Variants in OSBPL5 observed in about 807,000 individuals in gnomAD.
OSBPL5 encodes the protein oxysterol binding protein like 5.
A neutral mutation model predicts 111.2 loss-of-function variants in OSBPL5; 71 were observed. The observed-to-expected ratio is 0.64, with a 90% CI of 0.53 to 0.78. The LOEUF is 0.78. Among genes scored for constraint, OSBPL5 ranks in the 30% least tolerant of loss-of-function variants. The pLI is 0.00. For synonymous variants in OSBPL5, 549 were observed against 513.9 expected, an observed-to-expected ratio of 1.07 and a Z score of -0.93; for missense variants, 1,210 against 1,189.3, an observed-to-expected ratio of 1.02 and a Z score of -0.26.
At chr11:3,132,004 TTCAGGCATCCATC>T (rs1845827496) in intron 1 of OSBPL5, among the ~76,000 whole-genome samples, 2 of 56,856 alleles carry the variant, frequency 3.5e-5, no homozygotes, top group Non-Finnish European at 3.2e-5. Flanking sequence ...CTCCCTCCCT[TTCAGGCATCCATC>T]CATCCATCCA....
At chr11:3,132,151 C>T (rs1441570682) in intron 1 of OSBPL5, among the ~76,000 whole-genome samples, 1 of 151,972 alleles carries the variant, frequency 6.6e-6, no homozygotes, top group Non-Finnish European at 1.5e-5. Context: ...CACACTCAGA[C>T]ACATCTGAGG....
At chr11:3,091,558 G>A (rs1857055486) in intron 19 of OSBPL5, among the ~76,000 whole-genome samples, 1 of 152,124 alleles carries the variant, frequency 6.6e-6, no homozygotes, top group Non-Finnish European at 1.5e-5. Flanking sequence ...GGTGGGGAGA[G>A]GCTGAGGAGC....
chr11:3,100,482 T>G (rs1451797347), intron 13 of OSBPL5, among the ~76,000 whole-genome samples: 1 of 152,242 alleles, frequency 6.6e-6, no homozygotes, highest in Admixed American at 6.5e-5. Context: ...ATTTCACCTT[T>G]GACTTGTTAG....
Position 3,107,040 on chromosome 11 carries a change from C to T in OSBPL5, c.1059+223G>A, listed in dbSNP as rs969093500. Among the ~76,000 whole-genome samples the T allele has an allele frequency of 4.0e-5, 6 of 150,658 alleles. No homozygotes were observed. Among genetic ancestry groups the T allele is most frequent in the African/African-American group, 1.5e-4 (6 of 40,582 alleles). ...AACCCCTGCCCGATCCCCGCATCTGCATGCCAGCCAGCCAGCCAGCCAGCG... is the reference window on the plus strand; with the variant it reads ...AACCCCTGCCCGATCCCCGCATCTGTATGCCAGCCAGCCAGCCAGCCAGCG... On this transcript the variant is annotated intron_variant, in intron 9 of 21. Transcript: ENST00000263650. This position sits in a 1 kb window ranked among gnomAD's most constrained non-coding sequence, Gnocchi z 6.1.
intron 1 of OSBPL5, among the ~76,000 whole-genome samples, chr11:3,148,646 G>C (rs1180777243): frequency 1.3e-5 from 2 of 152,216 alleles, no homozygotes; most frequent in Non-Finnish European, 2.9e-5. Flanking sequence ...AGCCAAACGG[G>C]AGAGGACACA....
Position 3,103,718 on chromosome 11 carries a change from G to GCAGCCCCTTCCTGC in OSBPL5, c.1245-399_1245-398insGCAGGAAGGGGCTG, listed in dbSNP as rs1564829568. ...TTCCAGCCTGCGTACCCCCTTCCAG[G>GCAGCCCCTTCCTGC]CTCTGCTGCCCCTTCCTGCCTCTGC... is the stretch of plus-strand genomic sequence containing the variant. On this transcript the variant is annotated intron_variant, in intron 10 of 21. Coordinates refer to ENST00000263650, the MANE Select transcript of OSBPL5 (RefSeq NM_020896.4). Among the ~76,000 whole-genome samples, 6 of 79,988 alleles carry GCAGCCCCTTCCTGC rather than the reference G, an allele frequency of 7.5e-5. 1 individual carries two copies. The highest frequency in any genetic ancestry group is 1.3e-4 in the Admixed American group (1 of 7,624). 52.5% of individuals were successfully genotyped at this position (79,988 alleles called of 152,430 possible).
At chr11:3,156,575 G>A (rs76134750) in intron 1 of OSBPL5, among the ~76,000 whole-genome samples, 2,438 of 152,256 alleles carry the variant, frequency 0.016, 23 homozygotes, top group Non-Finnish European at 0.021. Context: ...CTCCCTACAC[G>A]CAACTTGTAG....
chr11:3,157,946 C>T (rs569492192), intron 1 of OSBPL5, among the ~76,000 whole-genome samples: 1 of 152,352 alleles, frequency 6.6e-6, no homozygotes, highest in African/African-American at 2.4e-5. Context: ...CCCTTGGGTG[C>T]CAGTCACCAA....
chr11:3,109,657 T>A lies in OSBPL5; in HGVS notation c.692-1712A>T, dbSNP rs189119503. Reference sequence around the variant, plus strand: ...GGGGGATATCTGGGATCCTGCTGGTTCCACTGCAGGCTTGGTTGGTGCCAG... The same window carrying A: ...GGGGGATATCTGGGATCCTGCTGGTACCACTGCAGGCTTGGTTGGTGCCAG... On this transcript the variant is annotated intron_variant, in intron 7 of 21. Coordinates refer to ENST00000263650, the MANE Select transcript of OSBPL5 (RefSeq NM_020896.4). The surrounding 1 kb of genome is among the most constrained non-coding windows in gnomAD (Gnocchi z 7.4). Among the ~76,000 whole-genome samples, 12 of 152,090 alleles carry A rather than the reference T, an allele frequency of 7.9e-5. No homozygotes were observed. In the East Asian group the frequency reaches 2.3e-3, roughly 30 times the overall value.
chr11:3,113,574 G>C lies in OSBPL5; in HGVS notation c.692-5629C>G, dbSNP rs540428526. Among the ~76,000 whole-genome samples, 13 of 151,972 alleles carry C rather than the reference G, an allele frequency of 8.6e-5. No homozygotes were observed. The South Asian group carries it at 2.3e-3, about 27-fold the overall frequency. On this transcript the variant is annotated intron_variant, in intron 7 of 21. Coordinates refer to ENST00000263650, the MANE Select transcript of OSBPL5 (RefSeq NM_020896.4). The surrounding 1 kb of genome is among the most constrained non-coding windows in gnomAD (Gnocchi z 4.8). ...TGAGGCTGAGGCAGGAGAATTGCTT[G>C]ACCTGGGAGGCAGAGGTAACAGTGA...
intron 7 of OSBPL5, among the ~76,000 whole-genome samples, chr11:3,118,707 G>A (rs1054541005): frequency 6.6e-6 from 1 of 151,566 alleles, no homozygotes; most frequent in African/African-American, 2.4e-5. Flanking sequence ...GAGTAGTTGG[G>A]ATCACGGGCA....
chr11:3,091,330 G>A (rs1379559033), intron 19 of OSBPL5, among the ~76,000 whole-genome samples: 1 of 152,244 alleles, frequency 6.6e-6, no homozygotes, highest in Non-Finnish European at 1.5e-5. Flanking sequence ...GGGCCAGAGA[G>A]GTGCCAGGGA....
In OSBPL5 at chr11:3,094,351, G is replaced by A. The variant is rs749770762; in HGVS notation, c.1622-17C>T. On this transcript the variant is annotated splice_polypyrimidine_tract_variant and intron_variant, in intron 14 of 21. Coordinates refer to ENST00000263650, the MANE Select transcript of OSBPL5 (RefSeq NM_020896.4). ...ACAGGATTCCTGAAATGCAGCCAGT[G>A]TCAGGGGCCAGGCGGCCCCAGCCCT... 8 of 1,607,628 alleles carry A rather than the reference G, an allele frequency of 5.0e-6. No homozygotes were observed. Among genetic ancestry groups the A allele is most frequent in the Admixed American group, 1.7e-5 (1 of 59,948 alleles).
At chr11:3,153,161 G>A (rs1207266855) in intron 1 of OSBPL5, among the ~76,000 whole-genome samples, 1 of 152,052 alleles carries the variant, frequency 6.6e-6, no homozygotes, top group Non-Finnish European at 1.5e-5. Flanking sequence ...CTCTGGGCAG[G>A]TTTCCTCACC....
At chr11:3,147,645 G>A (rs1238544995) in intron 1 of OSBPL5, among the ~76,000 whole-genome samples, 1 of 152,196 alleles carries the variant, frequency 6.6e-6, no homozygotes, top group Non-Finnish European at 1.5e-5. Flanking sequence ...TTTACCCTTG[G>A]GACTAAAACC....
intron 21 of OSBPL5, among the ~76,000 whole-genome samples, chr11:3,088,863 A>T (rs1856962711): frequency 6.6e-6 from 1 of 152,160 alleles, no homozygotes; most frequent in Admixed American, 6.5e-5. Flanking sequence ...GGGATAAACC[A>T]GCCCTGTGGC....
chr11:3,124,721 G>A (rs1270040977), intron 3 of OSBPL5, among the ~76,000 whole-genome samples: 1 of 152,146 alleles, frequency 6.6e-6, no homozygotes. Flanking sequence ...ATGATTGTCT[G>A]TGGCTTCCAC....
chr11:3,100,015 T>C lies in OSBPL5; in HGVS notation c.1621+143A>G, dbSNP rs866856522. 33 of 587,952 alleles carry C rather than the reference T, an allele frequency of 5.6e-5. No individual in the cohort carries two copies. The African/African-American group carries it at 6.8e-4, about 12-fold the overall frequency. 36.4% of individuals were successfully genotyped at this position (587,952 alleles called of 1,614,324 possible). A position where few individuals can be genotyped will look rare whatever the true frequency, so the allele number is the denominator to read the frequency against. On this transcript the variant is annotated intron_variant, in intron 14 of 21. Transcript: ENST00000263650. ...CCTGGGCAACAAGAGCGAAACTCCA[T>C]CTCAAAAAAAAAAAAAAAAAAAGTC...
At chr11:3,137,549 A>G (rs1451715667) in intron 1 of OSBPL5, among the ~76,000 whole-genome samples, 1 of 152,218 alleles carries the variant, frequency 6.6e-6, no homozygotes, top group Non-Finnish European at 1.5e-5. Flanking sequence ...CTGGGATTAC[A>G]AGCCTGTAAT....
Sources: gnomAD v4.1 joint callset for allele counts (sites outside exome capture counted in the v4.1 genomes callset) on GRCh38, gnomAD v4.1.1 for gene constraint, Gnocchi (gnomAD v3.1) non-coding constraint, MANE v1.5 for transcripts, NCBI Gene and HGNC (gene_info 2026-07-23, HGNC 2026-07-21) for gene names.